The following LRRC4C variants were observed in gnomAD, a reference collection of about 807,000 sequenced individuals.
The protein encoded by LRRC4C is leucine rich repeat containing 4C, also known as leucine-rich repeat-containing protein 4C.
A neutral mutation model predicts 33.6 loss-of-function variants in LRRC4C; 5 were observed. The ratio of observed to expected loss-of-function variants is 0.15; its 90% CI spans 0.08 to 0.31. The LOEUF is 0.31. Among genes scored for constraint, LRRC4C ranks in the 10% least tolerant of loss-of-function variants. The pLI is 1.00. For missense variants in LRRC4C, 560 were observed against 796.7 expected, an observed-to-expected ratio of 0.70 and a Z score of 3.58; for synonymous variants, 329 against 302.0, an observed-to-expected ratio of 1.09 and a Z score of -0.93.
chr11:40,190,075 G>A (rs2135594941), intron 5 of LRRC4C, among the ~76,000 whole-genome samples: 1 of 152,178 alleles, frequency 6.6e-6, no homozygotes, highest in Admixed American at 6.5e-5. Flanking sequence ...TGCTTTTTCT[G>A]TTAAAGTGAA....
At chr11:40,211,696 G>C (rs572608812) in intron 5 of LRRC4C, among the ~76,000 whole-genome samples, 4 of 152,144 alleles carry the variant, frequency 2.6e-5, no homozygotes, top group Admixed American at 6.5e-5. Context: ...ATATGACTAA[G>C]TTCTGGCCAA....
intron 1 of LRRC4C, among the ~76,000 whole-genome samples, chr11:41,052,320 A>C (rs1313789151): frequency 6.6e-6 from 1 of 152,134 alleles, no homozygotes; most frequent in Non-Finnish European, 1.5e-5. Context: ...TTCTGATTGC[A>C]TTCAAGTCTA....
At chr11:41,044,245 G>T (rs975756838) in intron 1 of LRRC4C, among the ~76,000 whole-genome samples, 1 of 152,134 alleles carries the variant, frequency 6.6e-6, no homozygotes, top group East Asian at 1.9e-4. Context: ...GGAAAACTTC[G>T]AACCGTGTCA....
At position 40,676,855 on chromosome 11, in the gene LRRC4C, C is replaced by T. The variant is rs116995801; in HGVS notation, c.-406-28577G>A. On this transcript the variant is annotated intron_variant, in intron 2 of 6. Transcript: ENST00000528697. ...ATCCTGTGCCTGTTAATCCTAAAAA[C>T]ATTCCCCAGTTTCTCGGGTATCGCT... 6.3e-3 allele frequency among the ~76,000 whole-genome samples: 966 copies of T among 152,232 alleles called. 4 individuals carry two copies. Among genetic ancestry groups the T allele is most frequent in the Non-Finnish European group, 9.0e-3 (615 of 68,018 alleles).
chr11:41,348,470 T>C (rs936528068), intron 1 of LRRC4C, among the ~76,000 whole-genome samples: 15 of 151,982 alleles, frequency 9.9e-5, no homozygotes, highest in Non-Finnish European at 2.2e-4. Flanking sequence ...ACTAATTCCA[T>C]GTAGGAAAAG....
chr11:41,209,273 G>A (rs1238065245), intron 1 of LRRC4C, among the ~76,000 whole-genome samples: 1 of 150,526 alleles, frequency 6.6e-6, no homozygotes, highest in Non-Finnish European at 1.5e-5. Flanking sequence ...TATTTGTAAA[G>A]ATCAAATGAA....
At chr11:40,533,330 A>C (rs1355462751) in intron 3 of LRRC4C, among the ~76,000 whole-genome samples, 2 of 152,178 alleles carry the variant, frequency 1.3e-5, no homozygotes, top group Non-Finnish European at 2.9e-5. Flanking sequence ...TGTTCCCTGA[A>C]TTTGGGGACT....
At chr11:41,440,490 T>A (rs574080925) in intron 1 of LRRC4C, among the ~76,000 whole-genome samples, 3 of 152,092 alleles carry the variant, frequency 2.0e-5, no homozygotes, top group African/African-American at 4.8e-5. Flanking sequence ...TAAGCTTTTT[T>A]AAAAAAAGCA....
chr11:41,390,094 A>G (rs1953530067), intron 1 of LRRC4C, among the ~76,000 whole-genome samples: 1 of 152,014 alleles, frequency 6.6e-6, no homozygotes, highest in South Asian at 2.1e-4. Flanking sequence ...TATGAATAAA[A>G]CTGCATAAAA....
chr11:40,311,152 A>C (rs1945285127), intron 4 of LRRC4C, among the ~76,000 whole-genome samples: 2 of 152,210 alleles, frequency 1.3e-5, no homozygotes, highest in Admixed American at 6.5e-5. Context: ...ATCAAGGCGG[A>C]AGCCACCCAG....
At chr11:40,957,168 A>AT (rs778656959) in intron 1 of LRRC4C, among the ~76,000 whole-genome samples, 1 of 151,730 alleles carries the variant, frequency 6.6e-6, no homozygotes. Context: ...AGCATGTTTT[A>AT]TTTTTCTTAA....
rs5003660 is a variant in LRRC4C at position 40,825,941 on chromosome 11, G to C, written c.-407+107694C>G. Among the ~76,000 whole-genome samples, 38 of 40,388 alleles carry C rather than the reference G, an allele frequency of 9.4e-4. 1 individual carries two copies. Among genetic ancestry groups the C allele is most frequent in the Admixed American group, 5.0e-3 (20 of 4,030 alleles). The allele number at this position is 40,388 out of a possible 152,430, so 26.5% of individuals were successfully genotyped here. On this transcript the variant is annotated intron_variant, in intron 2 of 6. Transcript: ENST00000528697. ...ATGTATGCTTCACATATTGTATTCT[G>C]GGGGGGGGGCGTCTCACATATATTC...
At chr11:40,413,805 A>G (rs1383536471) in intron 3 of LRRC4C, among the ~76,000 whole-genome samples, 1 of 152,130 alleles carries the variant, frequency 6.6e-6, no homozygotes, top group Non-Finnish European at 1.5e-5. Context: ...ATCAGAAATT[A>G]TGTTCGTCTT....
intron 6 of LRRC4C, among the ~76,000 whole-genome samples, chr11:40,140,081 T>C (rs1424633227): frequency 6.6e-6 from 1 of 152,204 alleles, no homozygotes; most frequent in Non-Finnish European, 1.5e-5. Flanking sequence ...GTTCCTGCCT[T>C]AATAATAAAG....
chr11:40,542,006 A>C (rs993898784), intron 3 of LRRC4C, among the ~76,000 whole-genome samples: 3 of 150,858 alleles, frequency 2.0e-5, no homozygotes, highest in Non-Finnish European at 4.5e-5. Context: ...CATTGACCCT[A>C]TCTTTCTTCT....
chr11:41,351,250 CAT>C (rs1437899924), intron 1 of LRRC4C, among the ~76,000 whole-genome samples: 61 of 88,666 alleles, frequency 6.9e-4, no homozygotes, highest in South Asian at 9.7e-4. Flanking sequence ...CACACACACA[CAT>C]ACACACACAC....
intron 2 of LRRC4C, among the ~76,000 whole-genome samples, chr11:40,923,855 C>G (rs1957295101): frequency 6.6e-6 from 1 of 152,138 alleles, no homozygotes; most frequent in Non-Finnish European, 1.5e-5. Flanking sequence ...GTTGTCACCT[C>G]TTTTAAGTTG....
At position 40,660,562 on chromosome 11, in the gene LRRC4C, C is replaced by T. The variant is rs774576481; in HGVS notation, c.-406-12284G>A. On this transcript the variant is annotated intron_variant, in intron 2 of 6. Coordinates refer to ENST00000528697, the MANE Select transcript of LRRC4C (RefSeq NM_001258419.2). ...TAATGAGAGGCCAAATCCTATATCTCGTTGAGACATTTGCCACATGTTGTT... is the reference window on the plus strand; with the variant it reads ...TAATGAGAGGCCAAATCCTATATCTTGTTGAGACATTTGCCACATGTTGTT... Among the ~76,000 whole-genome samples the T allele has an allele frequency of 5.3e-5, 8 of 152,276 alleles. No homozygotes were observed. In the Middle Eastern group the frequency reaches 0.01, roughly 194 times the overall value.
At chr11:40,476,874 T>C (rs1048470786) in intron 3 of LRRC4C, among the ~76,000 whole-genome samples, 6 of 152,336 alleles carry the variant, frequency 3.9e-5, no homozygotes, top group South Asian at 2.1e-4. Context: ...CTACTCAACT[T>C]AGACAAATAG....
Sources: allele counts gnomAD v4.1 joint callset (sites outside exome capture counted in the v4.1 genomes callset), GRCh38; gene constraint gnomAD v4.1.1; transcripts MANE v1.5; gene names NCBI Gene and HGNC (gene_info 2026-07-23, HGNC 2026-07-21).